ADCY3: variants seen among roughly 807,000 people sequenced by gnomAD.
The protein encoded by ADCY3 is adenylate cyclase 3, also known as adenylate cyclase type 3.
Under a neutral mutation model 119.4 loss-of-function variants are expected in ADCY3, and 70 were observed. That is an observed-to-expected ratio of 0.59 (90% confidence interval 0.48 to 0.72). ADCY3 has a LOEUF of 0.72. ADCY3 is among the 30% of genes least tolerant of loss of function. The probability of loss-of-function intolerance (pLI) is 0.00; values close to 1 mark genes in which losing one functional copy is unlikely to be tolerated. For synonymous variants in ADCY3, 672 were observed against 621.4 expected, an observed-to-expected ratio of 1.08 and a Z score of -1.21; for missense variants, 1,238 against 1,541.6, an observed-to-expected ratio of 0.80 and a Z score of 3.30.
intron 2 of ADCY3, among the ~76,000 whole-genome samples, chr2:24,888,182 A>G (rs995166206): frequency 2.6e-5 from 4 of 152,162 alleles, no homozygotes; most frequent in Non-Finnish European, 5.9e-5. Flanking sequence ...CATTCAAACC[A>G]CAACAGCTCT....
chr2:24,913,308 T>C (rs1426466148), intron 2 of ADCY3, among the ~76,000 whole-genome samples: 1 of 112,442 alleles, frequency 8.9e-6, no homozygotes, highest in Non-Finnish European at 1.7e-5. Context: ...AACATCGTCA[T>C]GGGCTTCTCC....
Position 24,916,540 on chromosome 2 carries a change from G to A in ADCY3, c.675+1773C>T, listed in dbSNP as rs181146991. ...CTACTAAAAATACAAAAATTAGCCAGGCGTGGAGGCGCGTGCCTGTCATCG... is the reference window on the plus strand; with the variant it reads ...CTACTAAAAATACAAAAATTAGCCAAGCGTGGAGGCGCGTGCCTGTCATCG... On this transcript the variant is annotated intron_variant, in intron 2 of 21. Coordinates refer to ENST00000679454, the MANE Select transcript of ADCY3 (RefSeq NM_004036.5). 1.9e-3 allele frequency among the ~76,000 whole-genome samples: 285 copies of A among 152,352 alleles called. 2 individuals carry two copies. Among genetic ancestry groups the A allele is most frequent in the African/African-American group, 5.7e-3 (238 of 41,560 alleles).
intron 2 of ADCY3, among the ~76,000 whole-genome samples, chr2:24,887,303 C>G (rs926284857): frequency 6.6e-6 from 1 of 152,178 alleles, no homozygotes; most frequent in Non-Finnish European, 1.5e-5. Flanking sequence ...CCTGGTCTCT[C>G]CCTTGACACG....
At chr2:24,890,465 G>C (rs1208609541) in intron 2 of ADCY3, among the ~76,000 whole-genome samples, 1 of 152,180 alleles carries the variant, frequency 6.6e-6, no homozygotes, top group Non-Finnish European at 1.5e-5. Context: ...GGTTTCCTTT[G>C]TGGAAGGTTT....
In ADCY3 at chr2:24,834,997, G is replaced by A; in HGVS notation, c.1663-61C>T. ...GGGACAGAGTGGTGGGGAAGAGCTG[G>A]GAAAGACAGAGGTGGAGGAGGAAAG... On this transcript the variant is annotated intron_variant, in intron 9 of 21. Transcript: ENST00000679454. This position sits in a 1 kb window ranked among gnomAD's most constrained non-coding sequence, Gnocchi z 4.2. 1 of 1,574,114 alleles carries A rather than the reference G, an allele frequency of 6.4e-7. No homozygotes were observed. The highest frequency in any genetic ancestry group is 8.7e-7 in the Non-Finnish European group (1 of 1,155,956).
intron 2 of ADCY3, among the ~76,000 whole-genome samples, chr2:24,876,055 C>T (rs1254089065): frequency 6.6e-6 from 1 of 152,002 alleles, no homozygotes; most frequent in Admixed American, 6.5e-5. Flanking sequence ...TGCAGTGGCA[C>T]ATTCAGGGCT....
In ADCY3 at chr2:24,834,834, G is replaced by A; in HGVS notation, c.1765C>T (p.Leu589=). The A allele has an allele frequency of 6.2e-7, 1 of 1,613,968 alleles. No homozygotes were observed. The highest frequency in any genetic ancestry group is 8.5e-7 in the Non-Finnish European group (1 of 1,180,016). Residue 589 remains leucine (L), a synonymous_variant, in exon 10 of 22, where the codon CTG becomes TTG. Transcript: ENST00000679454. The surrounding 1 kb of genome is among the most constrained non-coding windows in gnomAD (Gnocchi z 4.2). ...ASEDEHELNQ[L]LNEALLERES... is the part of the protein sequence containing the mutation. ...CGCTCAAGCAGGGCCTCGTTGAGCA[G>A]CTGGTTGAGCTCGTGCTCATCTTCA...
chr2:24,855,907 G>C (rs991159672), intron 3 of ADCY3, among the ~76,000 whole-genome samples: 5 of 152,186 alleles, frequency 3.3e-5, no homozygotes, highest in African/African-American at 1.2e-4. Context: ...TTCTACTCAG[G>C]GATGACTCAT....
At chr2:24,821,179 T>C (rs1667640763) in intron 20 of ADCY3, 2 of 429,868 alleles carry the variant, frequency 4.7e-6, no homozygotes, top group Non-Finnish European at 8.4e-6. Context: ...TCTTAACTCC[T>C]TTCAAAGAGC....
chr2:24,911,118 T>TC (rs1165193300), intron 2 of ADCY3, among the ~76,000 whole-genome samples: 1 of 149,462 alleles, frequency 6.7e-6, no homozygotes, highest in African/African-American at 2.5e-5. Flanking sequence ...CACCTCCTCA[T>TC]CCCCCAAATT....
At chr2:24,856,386 G>C (rs1176145394) in intron 3 of ADCY3, among the ~76,000 whole-genome samples, 1 of 152,212 alleles carries the variant, frequency 6.6e-6, no homozygotes, top group Non-Finnish European at 1.5e-5. Context: ...CAGGCTGTGA[G>C]CATACCCACA....
chr2:24,857,300 G>A (rs1484439349), intron 3 of ADCY3, among the ~76,000 whole-genome samples: 1 of 152,240 alleles, frequency 6.6e-6, no homozygotes, highest in Non-Finnish European at 1.5e-5. Context: ...TGTGGTACCT[G>A]GAGCCCTCAC....
At chr2:24,835,558 G>C (rs1331292601) in intron 9 of ADCY3, among the ~76,000 whole-genome samples, 1 of 152,182 alleles carries the variant, frequency 6.6e-6, no homozygotes, top group African/African-American at 2.4e-5. Context: ...TGGCTGTGAT[G>C]ACACAGCCAT....
chr2:24,886,781 C>T (rs1298985160), intron 2 of ADCY3, among the ~76,000 whole-genome samples: 1 of 152,242 alleles, frequency 6.6e-6, no homozygotes, highest in Non-Finnish European at 1.5e-5. Context: ...ATGAGCCTGC[C>T]CTGGGGAGGG....
intron 3 of ADCY3, among the ~76,000 whole-genome samples, chr2:24,844,447 A>T (rs1438231140): frequency 3.3e-5 from 5 of 152,064 alleles, no homozygotes; most frequent in Non-Finnish European, 7.4e-5. Flanking sequence ...AGGCCTGGGC[A>T]GGGGGGCACC....
chr2:24,918,589 C>G lies in ADCY3; in HGVS notation c.399G>C (p.Arg133=). ...VLCKKGLLPD[R]VTRRVLPYVL... ...CGTAGGGCAGCACTCTGCGGGTGAC[C>G]CGGTCCGGGAGCAGCCCCTTTTTGC... Residue 133 remains arginine, a synonymous_variant, in exon 2 of 22, where the codon CGG becomes CGC. Transcript: ENST00000679454. This position sits in a 1 kb window ranked among gnomAD's most constrained non-coding sequence, Gnocchi z 5.4. 1 of 1,614,134 alleles carries G rather than the reference C, an allele frequency of 6.2e-7. No individual in the cohort carries two copies. The highest frequency in any genetic ancestry group is 8.5e-7 in the Non-Finnish European group (1 of 1,180,036).
chr2:24,846,260 T>C (rs1671639792), intron 3 of ADCY3, among the ~76,000 whole-genome samples: 1 of 152,116 alleles, frequency 6.6e-6, no homozygotes, highest in Non-Finnish European at 1.5e-5. Flanking sequence ...ACCATGCACC[T>C]GGAAAAGCTG....
intron 2 of ADCY3, among the ~76,000 whole-genome samples, chr2:24,880,459 T>G (rs1676254632): frequency 6.6e-6 from 1 of 152,240 alleles, no homozygotes; most frequent in Non-Finnish European, 1.5e-5. Context: ...ATGTGCTATT[T>G]CAGGGATCCA....
chr2:24,875,164 G>GCTCA (rs60802568), intron 2 of ADCY3, among the ~76,000 whole-genome samples: 81,422 of 151,706 alleles, frequency 0.54, 24,383 homozygotes, highest in African/African-American at 0.82. Flanking sequence ...CTGCCAGTGA[G>GCTCA]CTGATTCTAG....
Sources: gnomAD v4.1 joint callset for allele counts (sites outside exome capture counted in the v4.1 genomes callset) on GRCh38, gnomAD v4.1.1 for gene constraint, Gnocchi (gnomAD v3.1) non-coding constraint, MANE v1.5 for transcripts, NCBI Gene and HGNC (gene_info 2026-07-23, HGNC 2026-07-21) for gene names.